Variants in EYS observed in about 807,000 individuals in gnomAD.
The protein encoded by EYS is protein eyes shut homolog.
In EYS, 250 loss-of-function variants were observed where a neutral mutation model predicts 282.1. That is an observed-to-expected ratio of 0.89 (90% CI 0.80 to 0.98). The LOEUF (loss-of-function observed/expected upper bound fraction) is 0.98. Ranked by LOEUF, EYS falls within the 50% of genes least tolerant of loss-of-function variation. The pLI is 0.00. For missense variants in EYS, 4,016 were observed against 3,709.0 expected (o/e 1.08, Z -2.15); for synonymous variants, 1,355 against 1,282.9 (o/e 1.06, Z -1.20).
chr6:64,040,420 T>G (rs1194396354), intron 33 of EYS, among the ~76,000 whole-genome samples: 1 of 152,202 alleles, frequency 6.6e-6, no homozygotes, highest in Admixed American at 6.5e-5. Flanking sequence ...CTGAAAATAA[T>G]CAATCTTGTG....
In EYS at chr6:63,853,299, A is replaced by C. The variant is rs188742794; in HGVS notation, c.7228+10887T>G. 1.1e-3 allele frequency among the ~76,000 whole-genome samples: 168 copies of C among 152,316 alleles called. 1 individual carries two copies. In the South Asian group the frequency reaches 0.019, roughly 17 times the overall value. On this transcript the variant is annotated intron_variant, in intron 36 of 42. Coordinates refer to ENST00000503581, the MANE Select transcript of EYS (RefSeq NM_001142800.2). ...CTTCAGCAAAGTCTCAGAACACAAA[A>C]TCAATATGCAAAAATCACAAGAATT...
intron 26 of EYS, among the ~76,000 whole-genome samples, chr6:64,478,235 T>A (rs1776332298): frequency 6.7e-6 from 1 of 149,562 alleles, no homozygotes; most frequent in Non-Finnish European, 1.5e-5. Flanking sequence ...TATTAATATA[T>A]TATGTTTTCA....
At chr6:64,608,230 A>G (rs1766995578) in intron 24 of EYS, among the ~76,000 whole-genome samples, 1 of 152,100 alleles carries the variant, frequency 6.6e-6, no homozygotes, top group Non-Finnish European at 1.5e-5. Flanking sequence ...TTTAGAATCT[A>G]CTATGTTGTA....
intron 10 of EYS, among the ~76,000 whole-genome samples, chr6:65,339,725 A>C (rs936884422): frequency 1.3e-5 from 2 of 151,084 alleles, no homozygotes; most frequent in Admixed American, 6.6e-5. Context: ...TTGAGTTTGC[A>C]AAGATTTTGC....
intron 11 of EYS, among the ~76,000 whole-genome samples, chr6:65,334,180 T>C (rs1394828921): frequency 6.6e-6 from 1 of 151,886 alleles, no homozygotes; most frequent in Non-Finnish European, 1.5e-5. Flanking sequence ...ATATCTCTTT[T>C]GTACCTGTAT....
chr6:64,440,802 C>T (rs1021150903), intron 26 of EYS, among the ~76,000 whole-genome samples: 5 of 151,634 alleles, frequency 3.3e-5, no homozygotes, highest in African/African-American at 1.2e-4. Context: ...GAAGAATATA[C>T]CCAATATTGA....
rs779877867 is a variant in EYS, at chr6:64,590,904, A to T, written c.4963T>A (p.Leu1655Met). Residue 1655 changes from leucine to methionine, a missense_variant, in exon 26 of 43, where the codon TTG (leucine) becomes ATG (methionine). Leu to Met is a conservative substitution (Grantham distance 15). Transcript: ENST00000503581. The part of the protein sequence containing the change: ...LEESITLSSN[L>M]DVNLCLDKTC... ...TTATCCAAACATAAATTAACATCCA[A>T]ATTACTTGATAGGGTAATGGATTCT... The T allele has an allele frequency of 7.1e-6, 11 of 1,550,480 alleles. No homozygotes were observed. In the East Asian group the frequency reaches 2.7e-4, roughly 38 times the overall value.
chr6:63,928,943 G>A (rs767997012), intron 35 of EYS, among the ~76,000 whole-genome samples: 10 of 152,154 alleles, frequency 6.6e-5, no homozygotes, highest in Non-Finnish European at 1.2e-4. Flanking sequence ...CTAAAATCCA[G>A]TCAGAGAAGC....
At chr6:64,913,097 T>C (rs1254065795) in intron 15 of EYS, among the ~76,000 whole-genome samples, 2 of 152,128 alleles carry the variant, frequency 1.3e-5, no homozygotes, top group Non-Finnish European at 2.9e-5. Context: ...GATCACTATT[T>C]ATAAGCCTTA....
chr6:64,911,171 G>T (rs887534951), intron 16 of EYS, among the ~76,000 whole-genome samples: 27 of 151,990 alleles, frequency 1.8e-4, no homozygotes, highest in African/African-American at 5.8e-4. Flanking sequence ...CTTGCTAAAA[G>T]GAAAACTATT....
At chr6:64,652,938 A>G (rs1233486005) in intron 22 of EYS, among the ~76,000 whole-genome samples, 1 of 152,164 alleles carries the variant, frequency 6.6e-6, no homozygotes, top group Non-Finnish European at 1.5e-5. Context: ...TTTGCATTGC[A>G]TATTATTCAT....
chr6:65,295,362 T>C (rs1285105493), intron 12 of EYS, among the ~76,000 whole-genome samples: 1 of 152,016 alleles, frequency 6.6e-6, no homozygotes, highest in Non-Finnish European at 1.5e-5. Flanking sequence ...TCTTGTTCTC[T>C]ATGACTGTAC....
chr6:64,126,640 C>T lies in EYS; in HGVS notation c.6425-44638G>A, dbSNP rs116008172. ...CCAGAGCTCTATCAGCTTCTTCACA[C>T]TTCTCCTCCTTAACTGCTTATCTTT... On this transcript the variant is annotated intron_variant, in intron 31 of 42. Coordinates refer to ENST00000503581, the MANE Select transcript of EYS (RefSeq NM_001142800.2). Among the ~76,000 whole-genome samples the T allele has an allele frequency of 6.7e-3, 1,024 of 152,258 alleles. 11 individuals are homozygous for T. The highest frequency in any genetic ancestry group is 0.023 in the African/African-American group (947 of 41,536).
chr6:64,320,609 A>C (rs1384410611), intron 29 of EYS, among the ~76,000 whole-genome samples: 2 of 151,542 alleles, frequency 1.3e-5, no homozygotes, highest in Non-Finnish European at 2.9e-5. Context: ...TCCTTAGACA[A>C]ATTGATAATG....
chr6:65,449,660 T>C (rs545246939), intron 5 of EYS, among the ~76,000 whole-genome samples: 17 of 152,228 alleles, frequency 1.1e-4, no homozygotes, highest in Middle Eastern at 3.4e-3. Flanking sequence ...AAGATGATTT[T>C]GGTATCTCAT....
chr6:65,395,519 C>T (rs540573992), intron 7 of EYS, among the ~76,000 whole-genome samples: 4 of 152,122 alleles, frequency 2.6e-5, no homozygotes, highest in African/African-American at 9.7e-5. Flanking sequence ...GCACAGTTAT[C>T]ATTTGTATAT....
chr6:64,329,102 C>T (rs1403630698), intron 29 of EYS, among the ~76,000 whole-genome samples: 3 of 152,134 alleles, frequency 2.0e-5, no homozygotes, highest in South Asian at 2.1e-4. Flanking sequence ...CATTAGGCCC[C>T]GAGGAGCCTA....
intron 26 of EYS, among the ~76,000 whole-genome samples, chr6:64,510,908 A>G (rs73767833): frequency 6.6e-6 from 1 of 152,024 alleles, no homozygotes; most frequent in Non-Finnish European, 1.5e-5. Context: ...TTGTATCCCA[A>G]CAGCCACTTG....
At chr6:65,131,265 C>T (rs1010156260) in intron 12 of EYS, among the ~76,000 whole-genome samples, 1 of 151,752 alleles carries the variant, frequency 6.6e-6, no homozygotes, top group African/African-American at 2.4e-5. Context: ...CCAGAAACAA[C>T]AGAATATACA....
Sources: allele counts gnomAD v4.1 joint callset (sites outside exome capture counted in the v4.1 genomes callset), GRCh38; gene constraint gnomAD v4.1.1; transcripts MANE v1.5; gene names NCBI Gene and HGNC (gene_info 2026-07-23, HGNC 2026-07-21).